KLHL12: variants seen among roughly 807,000 people sequenced by gnomAD.
The protein encoded by KLHL12 is kelch like family member 12.
KLHL12 carries 17 observed loss-of-function variants against 60.8 expected under a neutral mutation model. That is an observed-to-expected ratio of 0.28 (90% CI 0.19 to 0.42). The LOEUF is 0.42. KLHL12 is among the 10% of genes least tolerant of loss of function. KLHL12 has a pLI of 1.00. For missense variants in KLHL12, 468 were observed against 722.3 expected (o/e 0.65, Z 4.04); for synonymous variants, 220 against 250.9 (o/e 0.88, Z 1.16).
chr1:202,910,195 T>G (rs930054984), intron 5 of KLHL12, among the ~76,000 whole-genome samples: 3 of 152,220 alleles, frequency 2.0e-5, no homozygotes, highest in African/African-American at 7.2e-5. Context: ...GTTTTACACA[T>G]AAGAAAGCTA....
chr1:202,923,975 T>TG (rs1420198518), intron 2 of KLHL12, among the ~76,000 whole-genome samples: 1 of 152,170 alleles, frequency 6.6e-6, no homozygotes, highest in Non-Finnish European at 1.5e-5. Flanking sequence ...TAATAAACAG[T>TG]GATGCACCCA....
chr1:202,924,679 ATG>A (rs1319077043), intron 2 of KLHL12, among the ~76,000 whole-genome samples: 2 of 152,224 alleles, frequency 1.3e-5, no homozygotes, highest in African/African-American at 4.8e-5. Context: ...AATAGCTGAC[ATG>A]TGTGTTTTAC....
At chr1:202,922,858 A>G (rs1249902941) in intron 2 of KLHL12, among the ~76,000 whole-genome samples, 1 of 152,130 alleles carries the variant, frequency 6.6e-6, no homozygotes, top group Non-Finnish European at 1.5e-5. Flanking sequence ...ATTTCAGGAA[A>G]AAAAAAAGAG....
intron 6 of KLHL12, among the ~76,000 whole-genome samples, chr1:202,905,984 T>TTTG (rs1660173176): frequency 7.0e-6 from 1 of 142,550 alleles, no homozygotes; most frequent in African/African-American, 2.6e-5. Context: ...TTTTTTTTTT[T>TTTG]TTTTTTTTGT....
upstream of KLHL12, among the ~76,000 whole-genome samples, chr1:202,928,152 G>A (rs947033668): frequency 2.0e-5 from 3 of 151,064 alleles, no homozygotes; most frequent in Non-Finnish European, 4.4e-5. Flanking sequence ...GCGGGCGCCA[G>A]TAGTCCCAGC....
Position 202,911,065 on chromosome 1 carries a change from T to G in KLHL12, c.706A>C (p.Ile236Leu). 6.2e-7 allele frequency: 1 copy of G among 1,614,100 alleles called. No homozygotes were observed. The highest frequency in any genetic ancestry group is 8.5e-7 in the Non-Finnish European group (1 of 1,179,968). Residue 236 changes from isoleucine to leucine, a missense_variant, in exon 5 of 12, where the codon ATA becomes CTA. Ile to Leu is a conservative substitution (Grantham distance 5). This residue lies in a region of KLHL12 where 339 missense variants were observed against 525.0 expected (regional missense o/e 0.65). Coordinates refer to ENST00000367261, the MANE Select transcript of KLHL12 (RefSeq NM_021633.4). ...GTTGCACTACTTACCTCAGCATCTA[T>G]TACATCTGTGATATACCTGGGGGTT... The part of the protein sequence containing the change: ...LLTPRYITDV[I>L]DAEPFIRCSL...
intron 6 of KLHL12, among the ~76,000 whole-genome samples, chr1:202,897,990 T>C (rs1000531286): frequency 2.6e-5 from 4 of 152,180 alleles, no homozygotes; most frequent in Admixed American, 1.3e-4. Flanking sequence ...GAAAAGTCTT[T>C]TTCTCTATTT....
In KLHL12 at chr1:202,919,824, C is replaced by T; in HGVS notation, c.280G>A (p.Glu94Lys). ...MEILLDFVYT[E>K]TVHVTVENVQ... is the part of the protein sequence containing the mutation. ...TTCTCCACTGTCACATGTACTGTTT[C>T]TGTGTACACAAAGTCCAATAAAATT... is the stretch of plus-strand genomic sequence containing the variant. Residue 94 changes from glutamate to lysine, a missense_variant, in exon 3 of 12, where the codon GAA (glutamate) becomes AAA (lysine). Physicochemically the swap from Glu to Lys is moderately conservative, Grantham distance 56. Coordinates refer to ENST00000367261, the MANE Select transcript of KLHL12 (RefSeq NM_021633.4). 6.2e-7 allele frequency: 1 copy of T among 1,613,910 alleles called. No individual in the cohort carries two copies.
rs543466200 is a variant in KLHL12 at position 202,918,164 on chromosome 1, T to G, written c.567+7A>C. On this transcript the variant is annotated splice_region_variant and intron_variant, in intron 4 of 11. Transcript: ENST00000367261. ...GAAGAAACCATAACATCAAGACAAA[T>G]CCGTACCTGAATTTCGTCGCACTTG... 8.1e-6 allele frequency: 13 copies of G among 1,604,332 alleles called. No individual in the cohort carries two copies. The South Asian group carries it at 9.9e-5, about 12-fold the overall frequency.
intron 6 of KLHL12, among the ~76,000 whole-genome samples, chr1:202,900,135 G>A (rs1659962062): frequency 1.3e-5 from 2 of 152,208 alleles, no homozygotes; most frequent in African/African-American, 4.8e-5. Flanking sequence ...CACCAACCAA[G>A]AGGTACTTCC....
chr1:202,912,458 C>CGTGGTG (rs1014519943), intron 4 of KLHL12: 1 of 847,728 alleles, frequency 1.2e-6, no homozygotes, highest in Non-Finnish European at 2.0e-6. Flanking sequence ...GCATGACAGC[C>CGTGGTG]GTGGTGGTGG....
rs777247548 is a variant in KLHL12 at position 202,892,602 on chromosome 1, G to C, written c.1638C>G (p.Ser546Arg). Residue 546 changes from serine to arginine, a missense_variant, in exon 12 of 12, where the codon AGC becomes AGG. Ser to Arg is a moderately radical substitution (Grantham distance 110, BLOSUM62 -1). This residue lies in a region of KLHL12 where 68 missense variants were observed against 119.8 expected (regional missense o/e 0.57). Coordinates refer to ENST00000367261, the MANE Select transcript of KLHL12 (RefSeq NM_021633.4). ...SIECYDPIID[S>R]WEVVTSMGTQ... is the part of the protein sequence containing the mutation. ...TTCCCATGGATGTCACGACTTCCCA[G>C]CTGTCGATGATAGGGTCATAACATT... is the stretch of plus-strand genomic sequence containing the variant. The C allele has an allele frequency of 6.2e-7, 1 of 1,614,106 alleles. No individual in the cohort carries two copies. Among genetic ancestry groups the C allele is most frequent in the Non-Finnish European group, 8.5e-7 (1 of 1,179,980 alleles).
intron 6 of KLHL12, among the ~76,000 whole-genome samples, chr1:202,902,428 CA>C (rs1217257704): frequency 3.3e-4 from 45 of 136,584 alleles, no homozygotes; most frequent in Admixed American, 4.4e-4. Flanking sequence ...AGACTCCGTC[CA>C]AAAAAAAAAA....
intron 6 of KLHL12, 130 bp downstream of exon 6, chr1:202,908,880 C>T: frequency 1.6e-6 from 1 of 608,026 alleles, no homozygotes; most frequent in Non-Finnish European, 3.0e-6. Context: ...AGTGACTTGT[C>T]TGAGATGATA....
chr1:202,926,023 T>A (rs183217173), intron 1 of KLHL12, among the ~76,000 whole-genome samples: 3 of 150,480 alleles, frequency 2.0e-5, no homozygotes, highest in African/African-American at 7.3e-5. Context: ...GAGAATCACT[T>A]GAACCCAGGA....
rs1660580695 is a variant in KLHL12 at position 202,918,213 on chromosome 1, A to AG, written c.524_525insC (p.Gln176SerfsTer18). 1 of 1,613,986 alleles carries AG rather than the reference A, an allele frequency of 6.2e-7. No individual in the cohort carries two copies. The highest frequency in any genetic ancestry group is 8.5e-7 in the Non-Finnish European group (1 of 1,180,022). On this transcript the variant is annotated frameshift_variant, in exon 4 of 12. Transcript: ENST00000367261. LOFTEE classifies it high-confidence loss of function. ...TGATTAGCTTTTCCACCTCTCCTTGACTCAGAAGAATGAACTCTTCATGCT... is the reference window on the plus strand; with the variant it reads ...TGATTAGCTTTTCCACCTCTCCTTGAGCTCAGAAGAATGAACTCTTCATGCT...
Position 202,919,838 on chromosome 1 carries a change from T to C in KLHL12, c.266A>G (p.Asp89Gly), listed in dbSNP as rs1242898142. ...ATGTACTGTTTCTGTGTACACAAAG[T>C]CCAATAAAATTTCCATGGTAGAGGC... ...LTASTMEILL[D>G]FVYTETVHVT... The change falls in exon 3 of 12, where the codon GAC (aspartate) becomes GGC (glycine). Residue 89 changes from aspartate to glycine, a missense_variant. Coordinates refer to ENST00000367261, the MANE Select transcript of KLHL12 (RefSeq NM_021633.4). 1.5e-5 allele frequency: 24 copies of C among 1,613,794 alleles called. No homozygotes were observed. Among genetic ancestry groups the C allele is most frequent in the Non-Finnish European group, 2.0e-5 (24 of 1,179,866 alleles).
intron 6 of KLHL12, 80 bp downstream of exon 6, chr1:202,908,930 G>T: frequency 1.1e-6 from 1 of 873,232 alleles, no homozygotes; most frequent in Non-Finnish European, 1.9e-6. Flanking sequence ...ACTTCTTATA[G>T]AGTATTATTT....
Position 202,918,164 on chromosome 1 carries a change from T to C in KLHL12, c.567+7A>G, listed in dbSNP as rs543466200. The stretch of plus-strand genomic sequence containing the variant: ...GAAGAAACCATAACATCAAGACAAA[T>C]CCGTACCTGAATTTCGTCGCACTTG... On this transcript the variant is annotated splice_region_variant and intron_variant, in intron 4 of 11. Coordinates refer to ENST00000367261, the MANE Select transcript of KLHL12 (RefSeq NM_021633.4). 1 of 1,604,450 alleles carries C rather than the reference T, an allele frequency of 6.2e-7. No individual in the cohort carries two copies. Among genetic ancestry groups the C allele is most frequent in the South Asian group, 1.1e-5 (1 of 90,892 alleles).
Sources: allele counts gnomAD v4.1 joint callset (sites outside exome capture counted in the v4.1 genomes callset), GRCh38; gene constraint gnomAD v4.1.1; regional missense constraint gnomAD v4.1.1; transcripts MANE v1.5; gene names NCBI Gene and HGNC (gene_info 2026-07-23, HGNC 2026-07-21).